Variants in ASMTL observed in about 807,000 individuals in gnomAD.
ASMTL encodes probable bifunctional dTTP/UTP pyrophosphatase/methyltransferase protein.
In ASMTL, 57 loss-of-function variants were observed where a neutral mutation model predicts 60.3. That is an observed-to-expected ratio of 0.95 (90% CI 0.76 to 1.18). The LOEUF (loss-of-function observed/expected upper bound fraction) is 1.18. ASMTL is among the 50% of genes most tolerant of loss of function. The pLI is 0.00. For missense variants in ASMTL, 981 were observed against 852.6 expected (o/e 1.15, Z -1.88); for synonymous variants, 419 against 373.0 (o/e 1.12, Z -1.42).
intron 2 of ASMTL, 68 bp from the exon 3 acceptor site, chrX:1,439,212 G>T: frequency 6.5e-7 from 1 of 1,548,192 alleles, no homozygotes; most frequent in Non-Finnish European, 8.9e-7. Context: ...TTTTCCCGTC[G>T]GTACGGGCGT....
chrX:1,435,192 C>T lies in ASMTL; in HGVS notation c.339-109G>A, dbSNP rs754029093. ...AGCGAGGCGTCCTTAATCCTGGATC[C>T]GTCCCCAGCATCTTCTCCCCGATCG... On this transcript the variant is annotated intron_variant, in intron 4 of 12. Coordinates refer to ENST00000381317, the MANE Select transcript of ASMTL (RefSeq NM_004192.4). 8.1e-5 allele frequency: 93 copies of T among 1,145,490 alleles called. No individual in the cohort carries two copies. The South Asian group carries it at 8.4e-4, about 10-fold the overall frequency. 71.0% of individuals were successfully genotyped at this position (1,145,490 alleles called of 1,614,324 possible). A position where few individuals can be genotyped will look rare whatever the true frequency, so the allele number is the denominator to read the frequency against.
At chrX:1,438,013 G>A (rs1309544330) in intron 3 of ASMTL, among the ~76,000 whole-genome samples, 2 of 152,058 alleles carry the variant, frequency 1.3e-5, no homozygotes, top group Admixed American at 6.6e-5. Flanking sequence ...TTTCAGCCGG[G>A]CGCGGTGGCT....
chrX:1,450,151 ACTATCCGC>A (rs2091326986), intron 1 of ASMTL, among the ~76,000 whole-genome samples: 1 of 151,614 alleles, frequency 6.6e-6, no homozygotes, highest in African/African-American at 2.4e-5. Flanking sequence ...ATCACCTATA[ACTATCCGC>A]CTGTCACCAG....
intron 1 of ASMTL, among the ~76,000 whole-genome samples, chrX:1,451,024 T>C (rs2091361349): frequency 9.5e-6 from 1 of 105,106 alleles, no homozygotes; most frequent in Non-Finnish European, 1.9e-5. Context: ...CACTCTGCTT[T>C]CTCCATTCCT....
chrX:1,420,339 G>A (rs1355019648), intron 9 of ASMTL, among the ~76,000 whole-genome samples: 1 of 151,426 alleles, frequency 6.6e-6, no homozygotes, highest in Non-Finnish European at 1.5e-5. Context: ...CTCCATCTCT[G>A]TCTGTCTCTG....
intron 9 of ASMTL, among the ~76,000 whole-genome samples, chrX:1,419,674 C>G (rs2090420422): frequency 6.6e-6 from 1 of 152,174 alleles, no homozygotes; most frequent in Non-Finnish European, 1.5e-5. Context: ...TTCGCCTGGA[C>G]ATCCCGTCCC....
Position 1,416,188 on chromosome X carries a change from C to T in ASMTL, c.1522+1785G>A, listed in dbSNP as rs186661345. On this transcript the variant is annotated intron_variant, in intron 11 of 12. Transcript: ENST00000381317. ...ATACAGATATAGCGACAGGCACACA[C>T]AGACGCAGACATGCACAGCAACAGG... Among the ~76,000 whole-genome samples, 279 of 147,356 alleles carry T rather than the reference C, an allele frequency of 1.9e-3. 2 individuals carry two copies. The highest frequency in any genetic ancestry group is 6.7e-3 in the African/African-American group (249 of 37,232).
intron 6 of ASMTL, among the ~76,000 whole-genome samples, chrX:1,430,167 A>T (rs1268123338): frequency 6.6e-6 from 1 of 151,962 alleles, no homozygotes; most frequent in African/African-American, 2.4e-5. Context: ...GGCACCTGCC[A>T]CCACACCGGG....
At chrX:1,444,050 A>G (rs1297062629) in intron 1 of ASMTL, among the ~76,000 whole-genome samples, 1 of 152,224 alleles carries the variant, frequency 6.6e-6, no homozygotes, top group Non-Finnish European at 1.5e-5. Flanking sequence ...CAGCATGACC[A>G]GAAACATTCC....
rs1337323034 is a variant in ASMTL at position 1,417,098 on chromosome X, C to T, written c.1522+875G>A. 3.3e-5 allele frequency among the ~76,000 whole-genome samples: 5 copies of T among 152,020 alleles called. No individual in the cohort carries two copies. In the South Asian group the frequency reaches 6.2e-4, roughly 19 times the overall value. On this transcript the variant is annotated intron_variant, in intron 11 of 12. Coordinates refer to ENST00000381317, the MANE Select transcript of ASMTL (RefSeq NM_004192.4). The stretch of plus-strand genomic sequence containing the variant: ...CACACCATGCACATAGATGCAGACA[C>T]ACAGACAAGCACACCCAGACACATG...
intron 7 of ASMTL, among the ~76,000 whole-genome samples, chrX:1,426,221 G>A (rs1234098539): frequency 1.3e-5 from 2 of 152,064 alleles, no homozygotes; most frequent in South Asian, 2.1e-4. Context: ...CGTTGATCTT[G>A]GACCTCCAGC....
chrX:1,452,891 G>A lies in ASMTL; in HGVS notation c.-51C>T, dbSNP rs747292234. On this transcript the variant is annotated 5_prime_UTR_variant, in exon 1 of 13. Coordinates refer to ENST00000381317, the MANE Select transcript of ASMTL (RefSeq NM_004192.4). ...CCGCACTTCTGAGCCCGGAGCCCGC[G>A]GTGCGCGCAGCGCGGCTGCAAAAAA... 1.4e-6 allele frequency: 2 copies of A among 1,383,008 alleles called. No homozygotes were observed. Among genetic ancestry groups the A allele is most frequent in the Non-Finnish European group, 1.9e-6 (2 of 1,036,482 alleles). 85.7% of individuals were successfully genotyped at this position (1,383,008 alleles called of 1,614,324 possible). A position where few individuals can be genotyped will look rare whatever the true frequency, so the allele number is the denominator to read the frequency against.
intron 1 of ASMTL, among the ~76,000 whole-genome samples, chrX:1,449,053 G>C (rs1201614156): frequency 6.6e-6 from 1 of 152,076 alleles, no homozygotes; most frequent in African/African-American, 2.4e-5. Context: ...CTTCAGACCA[G>C]AGACATTCTA....
chrX:1,433,401 C>G (rs1482766285), intron 5 of ASMTL, among the ~76,000 whole-genome samples: 1 of 148,848 alleles, frequency 6.7e-6, no homozygotes, highest in Non-Finnish European at 1.5e-5. Context: ...CGCGGTGGCT[C>G]ACGCCTGTCA....
chrX:1,420,277 GTCTT>G (rs1415858091), intron 9 of ASMTL, among the ~76,000 whole-genome samples: 31 of 143,934 alleles, frequency 2.2e-4, no homozygotes, highest in Admixed American at 1.7e-3. Context: ...CTCTGTCTCT[GTCTT>G]TCTGTCTCCC....
At chrX:1,416,183 A>G (rs1190201606) in intron 11 of ASMTL, among the ~76,000 whole-genome samples, 1 of 147,534 alleles carries the variant, frequency 6.8e-6, no homozygotes, top group Non-Finnish European at 1.5e-5. Context: ...AGCGACAGGC[A>G]CACACAGACG....
At chrX:1,410,898 T>C (rs374868130) in intron 12 of ASMTL, among the ~76,000 whole-genome samples, 5 of 149,248 alleles carry the variant, frequency 3.4e-5, no homozygotes, top group African/African-American at 4.9e-5. Flanking sequence ...TCAAAAAATA[T>C]AATAGAGCCG....
At position 1,412,783 on chromosome X, in the gene ASMTL, C is replaced by A; in HGVS notation, c.1594G>T (p.Asp532Tyr). The A allele has an allele frequency of 6.2e-7, 1 of 1,613,958 alleles. No individual in the cohort carries two copies. The highest frequency in any genetic ancestry group is 8.5e-7 in the Non-Finnish European group (1 of 1,179,848). The change falls in exon 12 of 13, where the codon GAC becomes TAC. Residue 532 changes from aspartate (D) to tyrosine (Y), a missense_variant. Transcript: ENST00000381317. ...VLCRILHDWPDDKVHKLLSRV... is the reference protein window; with the variant it reads ...VLCRILHDWPYDKVHKLLSRV... ...CTGAGTAACTTGTGGACTTTGTCGT[C>A]TGGCCAGTCATGCAGGATCCGGCAC...
rs757430689 is a variant in ASMTL, at chrX:1,432,331, C to T, written c.447G>A (p.Lys149=). 6.2e-7 allele frequency: 1 copy of T among 1,613,416 alleles called. No individual in the cohort carries two copies. Among genetic ancestry groups the T allele is most frequent in the East Asian group, 2.2e-5 (1 of 44,872 alleles). Residue 149 remains lysine, a synonymous_variant, in exon 6 of 13, where the codon AAG becomes AAA. Transcript: ENST00000381317. The part of the protein sequence containing the change: ...TRVSEFYEET[K]VKFSELSEEL... ...CCTCGGACAGCTCCGAGAACTTCAC[C>T]TTCGTTTCCTCGTAGAATTCCGAGA... is the stretch of plus-strand genomic sequence containing the variant.
Sources: allele counts gnomAD v4.1 joint callset (sites outside exome capture counted in the v4.1 genomes callset), GRCh38; gene constraint gnomAD v4.1.1; transcripts MANE v1.5; gene names NCBI Gene and HGNC (gene_info 2026-07-23, HGNC 2026-07-21).